PPP3CA: variants seen among roughly 807,000 people sequenced by gnomAD.
The protein encoded by PPP3CA is CAM-PRP catalytic subunit.
Under a neutral mutation model 66.5 loss-of-function variants are expected in PPP3CA, and 14 were observed. The ratio of observed to expected loss-of-function variants is 0.21; its 90% CI spans 0.14 to 0.33. PPP3CA has a LOEUF of 0.33. PPP3CA is among the 10% of genes least tolerant of loss of function. PPP3CA has a pLI of 1.00. For synonymous variants in PPP3CA, 232 were observed against 226.2 expected, an observed-to-expected ratio of 1.03 and a Z score of -0.23; for missense variants, 317 against 639.5, an observed-to-expected ratio of 0.50 and a Z score of 5.44.
At chr4:101,277,588 C>T (rs995674286) in intron 1 of PPP3CA, among the ~76,000 whole-genome samples, 4 of 152,174 alleles carry the variant, frequency 2.6e-5, no homozygotes, top group Admixed American at 1.3e-4. Flanking sequence ...ATTCAACTTA[C>T]GCATGCCTAC....
chr4:101,133,432 A>G (rs1337339119), intron 2 of PPP3CA, among the ~76,000 whole-genome samples: 1 of 149,116 alleles, frequency 6.7e-6, no homozygotes, highest in Non-Finnish European at 1.5e-5. Flanking sequence ...TGCAAAAATC[A>G]CATGTTTTCC....
intron 2 of PPP3CA, chr4:101,171,341 C>T: frequency 6.8e-6 from 1 of 147,068 alleles, no homozygotes; most frequent in Non-Finnish European, 1.4e-5. Context: ...CGTTTATGAA[C>T]AATTCTTTCA....
intron 1 of PPP3CA, among the ~76,000 whole-genome samples, chr4:101,282,558 T>C (rs1207297099): frequency 6.6e-6 from 1 of 152,220 alleles, no homozygotes; most frequent in East Asian, 1.9e-4. Context: ...AGTGTTTGAC[T>C]CACACTCATT....
At chr4:101,193,862 A>T (rs1724702369) in intron 2 of PPP3CA, among the ~76,000 whole-genome samples, 1 of 152,228 alleles carries the variant, frequency 6.6e-6, no homozygotes, top group South Asian at 2.1e-4. Context: ...GTTTTTCTTA[A>T]ATGGGGGCAA....
chr4:101,103,894 T>A (rs1730549253), intron 3 of PPP3CA, among the ~76,000 whole-genome samples: 1 of 152,224 alleles, frequency 6.6e-6, no homozygotes, highest in South Asian at 2.1e-4. Context: ...AATGCAATCA[T>A]CGGCAAGAGC....
At chr4:101,231,236 G>A (rs1476004602) in intron 1 of PPP3CA, among the ~76,000 whole-genome samples, 2 of 151,634 alleles carry the variant, frequency 1.3e-5, no homozygotes, top group Non-Finnish European at 3.0e-5. Flanking sequence ...ACAACTGAGA[G>A]CTTTCCTCTA....
chr4:101,321,127 A>G (rs924485598), intron 1 of PPP3CA, among the ~76,000 whole-genome samples: 5 of 152,196 alleles, frequency 3.3e-5, no homozygotes, highest in Admixed American at 3.3e-4. Flanking sequence ...TTGTGCTTCT[A>G]TGTCCACCAG....
chr4:101,318,475 C>T (rs2110318847), intron 1 of PPP3CA, among the ~76,000 whole-genome samples: 1 of 152,160 alleles, frequency 6.6e-6, no homozygotes, highest in South Asian at 2.1e-4. Context: ...AGATTTCAGC[C>T]AAATTGATAG....
intron 1 of PPP3CA, among the ~76,000 whole-genome samples, chr4:101,244,482 C>CT (rs1444424542): frequency 1.4e-4 from 22 of 152,124 alleles, no homozygotes; most frequent in African/African-American, 5.3e-4. Context: ...TAACATGCTG[C>CT]TTTTAATCAA....
chr4:101,290,698 C>T (rs541325737), intron 1 of PPP3CA, among the ~76,000 whole-genome samples: 2 of 152,128 alleles, frequency 1.3e-5, no homozygotes, highest in Non-Finnish European at 2.9e-5. Context: ...GCAGTTAATG[C>T]TATTGAGAAA....
At chr4:101,075,796 A>T (rs893567976) in intron 8 of PPP3CA, among the ~76,000 whole-genome samples, 1 of 152,084 alleles carries the variant, frequency 6.6e-6, no homozygotes, top group Admixed American at 6.6e-5. Flanking sequence ...TCACTCTCAT[A>T]TCACACCACT....
intron 1 of PPP3CA, among the ~76,000 whole-genome samples, chr4:101,251,387 G>T (rs905695273): frequency 6.6e-6 from 1 of 151,642 alleles, no homozygotes; most frequent in Non-Finnish European, 1.5e-5. Context: ...CTCAACACAA[G>T]ATTTTTCTAC....
intron 1 of PPP3CA, among the ~76,000 whole-genome samples, chr4:101,289,553 T>G (rs184061355): frequency 1.3e-5 from 2 of 152,322 alleles, no homozygotes; most frequent in Admixed American, 1.3e-4. Context: ...AGCAACTTCA[T>G]GTAATAAAAC....
At chr4:101,102,410 A>G (rs1730486444) in intron 3 of PPP3CA, among the ~76,000 whole-genome samples, 1 of 152,184 alleles carries the variant, frequency 6.6e-6, no homozygotes, top group Non-Finnish European at 1.5e-5. Context: ...CCTAAAAATA[A>G]GTCTTCTTTT....
At chr4:101,141,282 A>T (rs1157157106) in intron 2 of PPP3CA, among the ~76,000 whole-genome samples, 4 of 152,096 alleles carry the variant, frequency 2.6e-5, no homozygotes, top group Non-Finnish European at 5.9e-5. Context: ...AGGCAGGAGA[A>T]TTGCTTGAAC....
intron 2 of PPP3CA, among the ~76,000 whole-genome samples, chr4:101,127,342 T>C (rs777091278): frequency 3.9e-5 from 6 of 152,030 alleles, no homozygotes; most frequent in Non-Finnish European, 8.8e-5. Flanking sequence ...TGACTATACT[T>C]AGAAATAGGA....
chr4:101,128,740 C>T (rs1242614199), intron 2 of PPP3CA, among the ~76,000 whole-genome samples: 2 of 152,252 alleles, frequency 1.3e-5, no homozygotes, highest in Non-Finnish European at 2.9e-5. Context: ...TCCCCACGGC[C>T]TTTGCGACCC....
At chr4:101,260,611 T>C (rs962385) in intron 1 of PPP3CA, among the ~76,000 whole-genome samples, 99,165 of 151,918 alleles carry the variant, frequency 0.65, 33,471 homozygotes, top group Non-Finnish European at 0.75. Context: ...AGCCAAATTA[T>C]TAACTAAACG....
chr4:101,083,055 A>C (rs960152501), intron 7 of PPP3CA, 131 bp downstream of exon 7: 5 of 556,616 alleles, frequency 9.0e-6, no homozygotes, highest in Non-Finnish European at 1.5e-5. Context: ...CATCCATCAG[A>C]AGATAATTTT....
Sources: gnomAD v4.1 joint callset for allele counts (sites outside exome capture counted in the v4.1 genomes callset) on GRCh38, gnomAD v4.1.1 for gene constraint, MANE v1.5 for transcripts, NCBI Gene and HGNC (gene_info 2026-07-23, HGNC 2026-07-21) for gene names.